Variants in PLCE1 observed in about 807,000 individuals in gnomAD.
The protein encoded by PLCE1 is 1-phosphatidylinositol 4,5-bisphosphate phosphodiesterase epsilon-1.
Under a neutral mutation model 242.8 loss-of-function variants are expected in PLCE1, and 119 were observed. That is an observed-to-expected ratio of 0.49 (90% CI 0.42 to 0.57). PLCE1 has a LOEUF of 0.57. PLCE1 is among the 20% of genes least tolerant of loss of function. PLCE1 has a pLI of 0.00. For missense variants in PLCE1, 2,441 were observed against 2,788.8 expected (o/e 0.88, Z 2.81); for synonymous variants, 945 against 1,017.4 (o/e 0.93, Z 1.35).
intron 4 of PLCE1, among the ~76,000 whole-genome samples, chr10:94,220,326 TAGAG>T (rs1212201234): frequency 7.1e-6 from 1 of 139,992 alleles, no homozygotes; most frequent in African/African-American, 2.7e-5. Context: ...CTGGGCAACA[TAGAG>T]AGACTCCATT....
rs1249334030 is a variant in PLCE1 at position 94,298,418 on chromosome 10, C to T, written c.5207C>T (p.Ser1736Phe). The T allele has an allele frequency of 1.2e-6, 2 of 1,614,142 alleles. No homozygotes were observed. Among genetic ancestry groups the T allele is most frequent in the East Asian group, 2.2e-5 (1 of 44,890 alleles). Residue 1736 changes from serine to phenylalanine, a missense_variant, in exon 24 of 33, where the codon TCT (serine) becomes TTT (phenylalanine). Physicochemically the swap from Ser to Phe is radical, Grantham distance 155. Coordinates refer to ENST00000371380, the MANE Select transcript of PLCE1 (RefSeq NM_016341.4). This position sits in a 1 kb window ranked among gnomAD's most constrained non-coding sequence, Gnocchi z 5.2. The stretch of plus-strand genomic sequence containing the variant: ...ATTCGACAGACCTGGGAGGAATCTT[C>T]TTCCCCTCTCAACCCAACCACGTCC... ...EGIRQTWEES[S>F]SPLNPTTSLS...
chr10:94,280,911 T>C (rs1447389006), intron 20 of PLCE1, among the ~76,000 whole-genome samples: 1 of 152,200 alleles, frequency 6.6e-6, no homozygotes, highest in Non-Finnish European at 1.5e-5. Context: ...TACCAAACTG[T>C]CTGCCCCCAA....
chr10:94,316,496 T>C (rs1564890543), intron 28 of PLCE1, 51 bp from the exon 29 acceptor site: 1 of 1,154,932 alleles, frequency 8.7e-7, no homozygotes, highest in Non-Finnish European at 1.3e-6. Flanking sequence ...GAAAGTTGAT[T>C]TGTTTTAAGT....
At chr10:94,083,547 C>G (rs1210672464) in intron 2 of PLCE1, among the ~76,000 whole-genome samples, 1 of 152,224 alleles carries the variant, frequency 6.6e-6, no homozygotes, top group Non-Finnish European at 1.5e-5. Context: ...AACCTGCACC[C>G]AGACATCCAT....
intron 1 of PLCE1, among the ~76,000 whole-genome samples, chr10:94,000,347 G>A (rs1246565415): frequency 2.6e-5 from 4 of 152,106 alleles, no homozygotes; most frequent in Non-Finnish European, 5.9e-5. Flanking sequence ...CATCTGCATG[G>A]CCTTGTGCAA....
chr10:94,123,054 C>G (rs2046342637), intron 2 of PLCE1, among the ~76,000 whole-genome samples: 1 of 152,126 alleles, frequency 6.6e-6, no homozygotes, highest in Non-Finnish European at 1.5e-5. Context: ...GGTCCCTGTT[C>G]CAGTGGGGAA....
intron 5 of PLCE1, among the ~76,000 whole-genome samples, chr10:94,229,315 T>G (rs989003402): frequency 6.6e-6 from 1 of 152,262 alleles, no homozygotes; most frequent in African/African-American, 2.4e-5. Flanking sequence ...GTCTGGCAAG[T>G]TGGTGCTGGC....
chr10:94,194,445 C>T lies in PLCE1; in HGVS notation c.1809+22949C>T, dbSNP rs148746850. Among the ~76,000 whole-genome samples the T allele has an allele frequency of 2.0e-5, 3 of 152,304 alleles. No individual in the cohort carries two copies. In the East Asian group the frequency reaches 5.8e-4, roughly 29 times the overall value. On this transcript the variant is annotated intron_variant, in intron 4 of 32. Coordinates refer to ENST00000371380, the MANE Select transcript of PLCE1 (RefSeq NM_016341.4). ...GGCTTGTCTCTGCAATGTAGCTGTC[C>T]TGTTTTCTCCCCATTAATCACTTCA...
chr10:94,254,866 T>C (rs764684158), intron 10 of PLCE1, 27 bp from the exon 11 acceptor site: 1 of 1,612,750 alleles, frequency 6.2e-7, no homozygotes, highest in Non-Finnish European at 8.5e-7. Flanking sequence ...TGAGTCATTC[T>C]CTCTTTTCTG....
At chr10:94,016,916 T>C (rs77353881) in intron 1 of PLCE1, among the ~76,000 whole-genome samples, 181 of 152,318 alleles carry the variant, frequency 1.2e-3, no homozygotes, top group African/African-American at 4.0e-3. Flanking sequence ...ACAACTGATA[T>C]TTGAAATGAT....
At chr10:94,093,942 T>C (rs1280834992) in intron 2 of PLCE1, among the ~76,000 whole-genome samples, 7 of 129,910 alleles carry the variant, frequency 5.4e-5, no homozygotes, top group African/African-American at 1.3e-4. Context: ...TTCTTTTTTT[T>C]TTTTTTTTTT....
At chr10:94,146,742 G>C (rs1055386640) in intron 3 of PLCE1, among the ~76,000 whole-genome samples, 11 of 152,226 alleles carry the variant, frequency 7.2e-5, no homozygotes, top group African/African-American at 2.7e-4. Flanking sequence ...CCTAGCTCAA[G>C]ATGGGGCTTT....
chr10:94,153,326 G>T (rs2047330863), intron 3 of PLCE1, among the ~76,000 whole-genome samples: 1 of 151,812 alleles, frequency 6.6e-6, no homozygotes, highest in African/African-American at 2.4e-5. Context: ...AACCACATGG[G>T]CATCTCAACA....
intron 14 of PLCE1, 86 bp from the exon 15 acceptor site, chr10:94,265,561 A>G: frequency 8.7e-7 from 1 of 1,147,640 alleles, no homozygotes; most frequent in East Asian, 2.3e-5. Flanking sequence ...TGAAAACAGA[A>G]CAGCTTTAAA....
At chr10:94,138,407 G>A (rs2046852224) in intron 3 of PLCE1, 2 of 405,346 alleles carry the variant, frequency 4.9e-6, no homozygotes, top group African/African-American at 2.1e-5. Context: ...TATTGGGGCT[G>A]GAAAAGGCAA....
intron 13 of PLCE1, 62 bp downstream of exon 13, chr10:94,259,212 G>C: frequency 6.6e-7 from 1 of 1,517,426 alleles, no homozygotes; most frequent in South Asian, 1.1e-5. Flanking sequence ...AAGGTCAGAG[G>C]TCCAGTCACA....
At chr10:94,134,079 C>A (rs565194555) in intron 3 of PLCE1, among the ~76,000 whole-genome samples, 3 of 151,920 alleles carry the variant, frequency 2.0e-5, no homozygotes, top group East Asian at 3.9e-4. Flanking sequence ...TAAACCCCTC[C>A]CATTTGGTTT....
intron 17 of PLCE1, among the ~76,000 whole-genome samples, chr10:94,269,578 G>C (rs969469390): frequency 1.3e-5 from 2 of 152,068 alleles, no homozygotes; most frequent in Non-Finnish European, 2.9e-5. Flanking sequence ...TTCAACCCAA[G>C]TTAGTAACCA....
chr10:94,007,733 T>G (rs1241167969), intron 1 of PLCE1, among the ~76,000 whole-genome samples: 2 of 112,692 alleles, frequency 1.8e-5, no homozygotes, highest in Non-Finnish European at 3.4e-5. Context: ...AGTTATTTGG[T>G]CTGGTGGGTA....
Sources: allele counts gnomAD v4.1 joint callset (sites outside exome capture counted in the v4.1 genomes callset), GRCh38; gene constraint gnomAD v4.1.1; non-coding constraint Gnocchi (gnomAD v3.1); transcripts MANE v1.5; gene names NCBI Gene and HGNC (gene_info 2026-07-23, HGNC 2026-07-21).